The following AFF3 variants were observed in gnomAD, a reference collection of about 807,000 sequenced individuals.
AFF3 encodes AF4/FMR2 family member 3.
A neutral mutation model predicts 129.7 loss-of-function variants in AFF3; 32 were observed. That is an observed-to-expected ratio of 0.25 (90% CI 0.19 to 0.33). AFF3 has a LOEUF of 0.33. Ranked by LOEUF, AFF3 falls within the 10% of genes least tolerant of loss-of-function variation. The pLI is 1.00. For synonymous variants in AFF3, 644 were observed against 635.4 expected, an observed-to-expected ratio of 1.01 and a Z score of -0.20; for missense variants, 1,373 against 1,592.0, an observed-to-expected ratio of 0.86 and a Z score of 2.34.
intron 7 of AFF3, among the ~76,000 whole-genome samples, chr2:99,947,876 C>T (rs1559000789): frequency 6.6e-6 from 1 of 152,120 alleles, no homozygotes; most frequent in Non-Finnish European, 1.5e-5. Context: ...TGAGACATTT[C>T]TTTTTCTCAG....
chr2:99,936,025 G>T (rs1674493863), intron 7 of AFF3, among the ~76,000 whole-genome samples: 1 of 151,862 alleles, frequency 6.6e-6, no homozygotes, highest in Non-Finnish European at 1.5e-5. Context: ...TAGGAAGTAA[G>T]AATATAAATT....
At chr2:100,092,719 C>A (rs1689961616) in intron 4 of AFF3, among the ~76,000 whole-genome samples, 1 of 152,000 alleles carries the variant, frequency 6.6e-6, no homozygotes, top group African/African-American at 2.4e-5. Context: ...CATTATCGTA[C>A]CTGCCATATC....
At chr2:100,092,759 T>C (rs1222086939) in intron 4 of AFF3, among the ~76,000 whole-genome samples, 8 of 152,012 alleles carry the variant, frequency 5.3e-5, no homozygotes, top group East Asian at 1.9e-4. Context: ...GGCTAACTCT[T>C]ATCCTTCCTT....
chr2:99,641,832 C>T (rs1277044845), intron 13 of AFF3, among the ~76,000 whole-genome samples: 1 of 152,106 alleles, frequency 6.6e-6, no homozygotes, highest in Non-Finnish European at 1.5e-5. Context: ...AGTACACTAC[C>T]GGACCTGCGA....
chr2:99,772,894 T>C (rs1288253246), intron 8 of AFF3, among the ~76,000 whole-genome samples: 1 of 152,242 alleles, frequency 6.6e-6, no homozygotes, highest in Non-Finnish European at 1.5e-5. Context: ...GGCTGCTTGT[T>C]AGACTAGATC....
rs1381619276 is a variant in AFF3 at position 99,818,895 on chromosome 2, C to A, written c.921+18582G>T. 2.6e-5 allele frequency among the ~76,000 whole-genome samples: 4 copies of A among 152,172 alleles called. No homozygotes were observed. In the South Asian group the frequency reaches 8.3e-4, roughly 31 times the overall value. ...CATATATACATACTTATAAACACAA[C>A]TTACAGGTATAAGTTGACATAAATG... is the stretch of plus-strand genomic sequence containing the variant. On this transcript the variant is annotated intron_variant, in intron 8 of 24. Coordinates refer to ENST00000672756, the MANE Select transcript of AFF3 (RefSeq NM_001386135.1).
intron 7 of AFF3, among the ~76,000 whole-genome samples, chr2:99,846,435 T>C (rs1689731486): frequency 1.3e-5 from 2 of 152,224 alleles, no homozygotes; most frequent in South Asian, 4.1e-4. Flanking sequence ...TGGCCGAACA[T>C]TTTCCTGAAT....
rs894194458 is a variant in AFF3 at position 99,548,677 on chromosome 2, A to G, written c.*2797T>C. ...AGGATTGCTTGAGCCCAGGAGTTTG[A>G]GGCTGCAGGGAGCCATGATCGCGCC... On this transcript the variant is annotated 3_prime_UTR_variant, in exon 25 of 25. Transcript: ENST00000672756. The G allele has an allele frequency of 3.2e-5, 7 of 220,828 alleles. No individual in the cohort carries two copies. Among genetic ancestry groups the G allele is most frequent in the African/African-American group, 1.6e-4 (7 of 44,604 alleles). 13.7% of individuals were successfully genotyped at this position (220,828 alleles called of 1,614,324 possible).
intron 13 of AFF3, among the ~76,000 whole-genome samples, chr2:99,602,674 C>T (rs1214099979): frequency 6.6e-6 from 1 of 152,192 alleles, no homozygotes; most frequent in Non-Finnish European, 1.5e-5. Context: ...CAAACTGCTT[C>T]CAACTGTGAC....
At chr2:99,552,190 A>T (rs890800085) in intron 24 of AFF3, among the ~76,000 whole-genome samples, 1 of 152,186 alleles carries the variant, frequency 6.6e-6, no homozygotes, top group Admixed American at 6.5e-5. Context: ...GATCGCGACC[A>T]GTCAGGACAA....
chr2:99,960,027 C>T (rs531257947), intron 7 of AFF3, among the ~76,000 whole-genome samples: 2 of 152,126 alleles, frequency 1.3e-5, no homozygotes, highest in Admixed American at 1.3e-4. Context: ...GTAACTGGCA[C>T]AGAGTGTGTT....
chr2:99,929,798 C>G (rs1208761797), intron 7 of AFF3, among the ~76,000 whole-genome samples: 1 of 152,014 alleles, frequency 6.6e-6, no homozygotes, highest in Non-Finnish European at 1.5e-5. Flanking sequence ...TTCTGAACAA[C>G]TGAAGAGGCT....
At chr2:100,133,748 C>T (rs535218869) in intron 1 of AFF3, among the ~76,000 whole-genome samples, 4 of 152,160 alleles carry the variant, frequency 2.6e-5, no homozygotes, top group South Asian at 2.1e-4. Flanking sequence ...CTGGCTAACA[C>T]GGTGAAAACC....
rs189487741 is a variant in AFF3 at position 99,602,437 on chromosome 2, A to T, written c.1185-816T>A. 3.6e-3 allele frequency among the ~76,000 whole-genome samples: 543 copies of T among 152,368 alleles called. 3 individuals are homozygous for T. The Middle Eastern group carries it at 0.048, about 13-fold the overall frequency. ...AGTCATTACATACTCAAAGATAACA[A>T]GAAAAATTGACTGATGCTTTCCGAT... is the stretch of plus-strand genomic sequence containing the variant. On this transcript the variant is annotated intron_variant, in intron 13 of 24. Coordinates refer to ENST00000672756, the MANE Select transcript of AFF3 (RefSeq NM_001386135.1).
At chr2:99,887,325 T>C (rs572204820) in intron 7 of AFF3, among the ~76,000 whole-genome samples, 47 of 152,316 alleles carry the variant, frequency 3.1e-4, no homozygotes, top group African/African-American at 1.1e-3. Flanking sequence ...CACAAAATTA[T>C]AGGAGGGGGA....
chr2:99,876,396 A>G (rs1177520457), intron 7 of AFF3, among the ~76,000 whole-genome samples: 1 of 152,064 alleles, frequency 6.6e-6, no homozygotes, highest in Non-Finnish European at 1.5e-5. Context: ...TCCACCTTAT[A>G]AACCCCCTGG....
intron 11 of AFF3, among the ~76,000 whole-genome samples, chr2:99,687,396 C>T (rs1412766447): frequency 2.0e-5 from 3 of 151,968 alleles, no homozygotes; most frequent in Non-Finnish European, 2.9e-5. Flanking sequence ...GGGCCAGATG[C>T]GGGAGAAGGA....
chr2:99,825,713 T>C (rs1460726553), intron 8 of AFF3, among the ~76,000 whole-genome samples: 2 of 152,190 alleles, frequency 1.3e-5, no homozygotes, highest in Non-Finnish European at 2.9e-5. Context: ...AGGATAAAAG[T>C]GGCAGACACA....
intron 20 of AFF3, among the ~76,000 whole-genome samples, chr2:99,562,743 A>G (rs1675586045): frequency 6.6e-6 from 1 of 152,208 alleles, no homozygotes; most frequent in African/African-American, 2.4e-5. Context: ...CCATTAGGTT[A>G]GGAGACTCTT....
Sources: gnomAD v4.1 joint callset for allele counts (sites outside exome capture counted in the v4.1 genomes callset) on GRCh38, gnomAD v4.1.1 for gene constraint, MANE v1.5 for transcripts, NCBI Gene and HGNC (gene_info 2026-07-23, HGNC 2026-07-21) for gene names.